EEF1AKMT1: variants seen among roughly 807,000 people sequenced by gnomAD.
EEF1AKMT1 encodes the protein N-6 adenine-specific DNA methyltransferase 2 (putative).
In EEF1AKMT1, 18 loss-of-function variants were observed where a neutral mutation model predicts 21.0. The ratio of observed to expected loss-of-function variants is 0.86; its 90% confidence interval spans 0.59 to 1.27. EEF1AKMT1 has a LOEUF of 1.27. Ranked by LOEUF, EEF1AKMT1 falls within the 50% of genes most tolerant of loss-of-function variation. EEF1AKMT1 has a pLI of 0.00. For synonymous variants in EEF1AKMT1, 109 were observed against 94.8 expected (o/e 1.15, Z -0.87); for missense variants, 246 against 258.6 (o/e 0.95, Z 0.33).
rs576903909 is a variant in EEF1AKMT1, at chr13:20,743,496, T to C, written c.145-5691A>G. 5.3e-5 allele frequency among the ~76,000 whole-genome samples: 8 copies of C among 151,618 alleles called. No individual in the cohort carries two copies. In the East Asian group the frequency reaches 9.7e-4, roughly 18 times the overall value. On this transcript the variant is annotated intron_variant, in intron 2 of 4. Coordinates refer to ENST00000382758, the MANE Select transcript of EEF1AKMT1 (RefSeq NM_001318939.2). ...AGGACTCAATTTACATCTGTCACTT[T>C]CTCTCAGTGGGTTTCCTTGACTTCC...
chr13:20,745,945 A>G (rs1024861685), intron 2 of EEF1AKMT1, among the ~76,000 whole-genome samples: 4 of 152,210 alleles, frequency 2.6e-5, no homozygotes, highest in Non-Finnish European at 4.4e-5. Context: ...ACGTGGTATG[A>G]ATGAAAACAT....
chr13:20,759,397 G>A (rs1373121055), intron 1 of EEF1AKMT1, among the ~76,000 whole-genome samples: 1 of 152,094 alleles, frequency 6.6e-6, no homozygotes, highest in African/African-American at 2.4e-5. Context: ...GGCTAACACA[G>A]TGAAACCCCG....
chr13:20,760,104 C>CAAAAAAAA (rs56891551), intron 1 of EEF1AKMT1, among the ~76,000 whole-genome samples: 4 of 56,220 alleles, frequency 7.1e-5, no homozygotes, highest in African/African-American at 2.7e-4. Context: ...GACTCTGTCT[C>CAAAAAAAA]AAAAAAAAAA....
intron 2 of EEF1AKMT1, among the ~76,000 whole-genome samples, chr13:20,740,976 T>C (rs59117113): frequency 0.069 from 10,558 of 152,090 alleles, 1,103 homozygotes; most frequent in African/African-American, 0.22. Context: ...TTCTATGCTA[T>C]GGTGGAGCTC....
intron 2 of EEF1AKMT1, among the ~76,000 whole-genome samples, chr13:20,740,586 T>C (rs2772169): frequency 0.23 from 34,461 of 152,202 alleles, 5,524 homozygotes; most frequent in East Asian, 0.76. Flanking sequence ...GGGAGGGTCC[T>C]GAGGCCAGGA....
At chr13:20,745,839 C>T (rs1300614156) in intron 2 of EEF1AKMT1, among the ~76,000 whole-genome samples, 1 of 151,714 alleles carries the variant, frequency 6.6e-6, no homozygotes. Context: ...CAGAGCGAGA[C>T]TACATCTCGA....
At position 20,772,566 on chromosome 13, in the gene EEF1AKMT1, A is replaced by G. The variant is rs571102960; in HGVS notation, c.-20+1355T>C. ...TTAGGCAGACACATGGCGAACACCA[A>G]CGGTAAGGTGGAGGCCCTCTATAGA... On this transcript the variant is annotated intron_variant, in intron 1 of 4. Transcript: ENST00000382758. 3.3e-4 allele frequency among the ~76,000 whole-genome samples: 51 copies of G among 152,290 alleles called. 1 individual carries two copies. In the South Asian group the frequency reaches 5.0e-3, roughly 15 times the overall value.
intron 2 of EEF1AKMT1, among the ~76,000 whole-genome samples, chr13:20,745,107 C>T (rs546732850): frequency 1.4e-4 from 22 of 152,288 alleles, no homozygotes; most frequent in African/African-American, 4.8e-4. Context: ...AGTTTGAAGT[C>T]AGGTAGTGGA....
intron 1 of EEF1AKMT1, among the ~76,000 whole-genome samples, chr13:20,760,413 T>C (rs959169023): frequency 6.6e-6 from 1 of 152,194 alleles, no homozygotes; most frequent in African/African-American, 2.4e-5. Context: ...TAGAGGCTAT[T>C]ATCCTACGTG....
At chr13:20,740,575 C>T (rs911090536) in intron 2 of EEF1AKMT1, among the ~76,000 whole-genome samples, 22 of 152,318 alleles carry the variant, frequency 1.4e-4, no homozygotes, top group African/African-American at 4.6e-4. Context: ...GAGGCCAAGG[C>T]GGGAGGGTCC....
At chr13:20,744,767 G>A (rs971895961) in intron 2 of EEF1AKMT1, among the ~76,000 whole-genome samples, 5 of 152,034 alleles carry the variant, frequency 3.3e-5, no homozygotes, top group Non-Finnish European at 7.4e-5. Flanking sequence ...CCATGCCTAT[G>A]TCCTGAATGG....
At position 20,732,100 on chromosome 13, in the gene EEF1AKMT1, A is replaced by AG. The variant is rs1445798674; in HGVS notation, c.248dup (p.Ser84Ter). Reference sequence around the variant, plus strand: ...GCTCTCTGAGTTTCTGGTAAACACTAGGGGCACTCACACATGCGATTCTAG... The same window carrying AG: ...GCTCTCTGAGTTTCTGGTAAACACTAGGGGGCACTCACACATGCGATTCTAG... On this transcript the variant is annotated frameshift_variant, in exon 4 of 5. Transcript: ENST00000382758. 1 of 1,612,132 alleles carries AG rather than the reference A, an allele frequency of 6.2e-7. No homozygotes were observed.
In EEF1AKMT1 at chr13:20,740,095, C is replaced by G. The variant is rs115933812; in HGVS notation, c.145-2290G>C. Among the ~76,000 whole-genome samples the G allele has an allele frequency of 4.6e-3, 707 of 152,358 alleles. 6 individuals are homozygous for G. The highest frequency in any genetic ancestry group is 0.016 in the African/African-American group (685 of 41,592). On this transcript the variant is annotated intron_variant, in intron 2 of 4. Transcript: ENST00000382758. ...GCCCTGCGGGGAGACAGCTGAGGGC[C>G]GGCGAGAATTCAAGCACAGCGCAGG...
intron 4 of EEF1AKMT1, among the ~76,000 whole-genome samples, chr13:20,729,851 C>T (rs1355494958): frequency 6.6e-6 from 1 of 152,232 alleles, no homozygotes; most frequent in Non-Finnish European, 1.5e-5. Flanking sequence ...ACCGCCCTCC[C>T]TGGGGTGCAG....
intron 2 of EEF1AKMT1, chr13:20,747,802 A>G: frequency 6.3e-6 from 1 of 158,174 alleles, no homozygotes; most frequent in Non-Finnish European, 1.4e-5. Context: ...ATCACATCAA[A>G]CATTATAATG....
chr13:20,759,581 AAAACAAAAAAC>A (rs1241484392), intron 1 of EEF1AKMT1, among the ~76,000 whole-genome samples: 49 of 151,076 alleles, frequency 3.2e-4, no homozygotes, highest in Admixed American at 2.6e-3. Context: ...CTCCGTCTCA[AAAACAAAAAAC>A]AAACAAAAAA....
intron 1 of EEF1AKMT1, among the ~76,000 whole-genome samples, chr13:20,758,655 A>G (rs2058983501): frequency 6.6e-6 from 1 of 152,162 alleles, no homozygotes; most frequent in South Asian, 2.1e-4. Flanking sequence ...ATCATTTTTC[A>G]CAGAATTAAA....
intron 2 of EEF1AKMT1, among the ~76,000 whole-genome samples, chr13:20,752,415 T>C (rs910502921): frequency 1.3e-5 from 2 of 152,192 alleles, no homozygotes; most frequent in Admixed American, 6.5e-5. Context: ...ATATAACATT[T>C]GTCCTTCAGT....
At chr13:20,763,221 G>A (rs1156497499) in intron 1 of EEF1AKMT1, among the ~76,000 whole-genome samples, 3 of 152,000 alleles carry the variant, frequency 2.0e-5, no homozygotes, top group African/African-American at 4.8e-5. Flanking sequence ...CAGTGCTAAC[G>A]CAATAAACAT....
Sources: gnomAD v4.1 joint callset for allele counts (sites outside exome capture counted in the v4.1 genomes callset) on GRCh38, gnomAD v4.1.1 for gene constraint, MANE v1.5 for transcripts, NCBI Gene and HGNC (gene_info 2026-07-23, HGNC 2026-07-21) for gene names.